CDC25A: variants seen among roughly 807,000 people sequenced by gnomAD.
CDC25A encodes M-phase inducer phosphatase 1.
Under a neutral mutation model 64.6 loss-of-function variants are expected in CDC25A, and 17 were observed. That is an observed-to-expected ratio of 0.26 (90% CI 0.18 to 0.39). The LOEUF (loss-of-function observed/expected upper bound fraction) is 0.39. CDC25A is among the 10% of genes least tolerant of loss of function. CDC25A has a pLI of 1.00. For synonymous variants in CDC25A, 229 were observed against 238.6 expected, an observed-to-expected ratio of 0.96 and a Z score of 0.37; for missense variants, 473 against 654.8, an observed-to-expected ratio of 0.72 and a Z score of 3.03.
At chr3:48,165,546 G>A (rs2031980187) in intron 12 of CDC25A, 90 bp downstream of exon 12, 2 of 818,102 alleles carry the variant, frequency 2.4e-6, no homozygotes, top group South Asian at 3.0e-5. Flanking sequence ...TAGCATATGA[G>A]CTAAGTGGCC....
chr3:48,165,159 T>C lies in CDC25A; in HGVS notation c.1191+477A>G, dbSNP rs139922915. On this transcript the variant is annotated intron_variant, in intron 12 of 14. Coordinates refer to ENST00000302506, the MANE Select transcript of CDC25A (RefSeq NM_001789.3). ...ATGGCAAAATCAGTTCCTTTCTTCTTGGGAACGTGTGTCCCAACACGCCCC... is the reference window on the plus strand; with the variant it reads ...ATGGCAAAATCAGTTCCTTTCTTCTCGGGAACGTGTGTCCCAACACGCCCC... 6.6e-3 allele frequency among the ~76,000 whole-genome samples: 989 copies of C among 150,908 alleles called. 4 individuals are homozygous for C. Among genetic ancestry groups the C allele is most frequent in the Non-Finnish European group, 0.011 (727 of 67,764 alleles).
chr3:48,176,558 TAAA>T (rs1553769227), intron 8 of CDC25A, among the ~76,000 whole-genome samples: 1 of 134,664 alleles, frequency 7.4e-6, no homozygotes, highest in African/African-American at 2.7e-5. Flanking sequence ...TATATATATA[TAAA>T]ATATATATTA....
rs574838246 is a variant in CDC25A, at chr3:48,157,489, T to A, written c.*1456A>T. 6.6e-6 allele frequency: 1 copy of A among 152,614 alleles called. No homozygotes were observed. The allele number at this position is 152,614 out of a possible 1,614,324, so 9.5% of individuals were successfully genotyped here. A position where few individuals can be genotyped will look rare whatever the true frequency, so the allele number is the denominator to read the frequency against. On this transcript the variant is annotated 3_prime_UTR_variant, in exon 15 of 15. Transcript: ENST00000302506. ...GAAGTTGAGGTAAGAGGGGAGAGAC[T>A]GTCTCCTGTTTAAGAAAAACCCACC...
chr3:48,187,337 G>T (rs560998193), intron 1 of CDC25A, among the ~76,000 whole-genome samples: 5 of 152,352 alleles, frequency 3.3e-5, no homozygotes, highest in Admixed American at 2.6e-4. Flanking sequence ...TTACATAAAC[G>T]CCAGGAAAGA....
intron 13 of CDC25A, among the ~76,000 whole-genome samples, chr3:48,160,437 G>A (rs2106679960): frequency 7.2e-6 from 1 of 139,164 alleles, no homozygotes; most frequent in East Asian, 2.2e-4. Context: ...TTGAGATGGA[G>A]TCTCACTCTG....
chr3:48,188,060 A>C lies in CDC25A; in HGVS notation c.-113T>G. On this transcript the variant is annotated 5_prime_UTR_variant, in exon 1 of 15. Coordinates refer to ENST00000302506, the MANE Select transcript of CDC25A (RefSeq NM_001789.3). ...CGCGCCACCGGCGCCCGCGGGTCAA[A>C]CACAAACACGACTCCGCGGTTCAGG... 16 of 889,176 alleles carry C rather than the reference A, an allele frequency of 1.8e-5. No homozygotes were observed. Among genetic ancestry groups the C allele is most frequent in the Admixed American group, 4.5e-5 (1 of 22,218 alleles). 55.1% of individuals were successfully genotyped at this position (889,176 alleles called of 1,614,324 possible).
At chr3:48,161,843 T>C (rs943225197) in intron 13 of CDC25A, among the ~76,000 whole-genome samples, 2 of 151,660 alleles carry the variant, frequency 1.3e-5, no homozygotes, top group African/African-American at 4.8e-5. Flanking sequence ...GGTAGATCAC[T>C]TGAGGTCAGG....
chr3:48,168,318 G>A (rs1397394540), intron 9 of CDC25A, among the ~76,000 whole-genome samples: 4 of 150,254 alleles, frequency 2.7e-5, no homozygotes, highest in Non-Finnish European at 4.4e-5. Context: ...TGAATCGCTT[G>A]AGCCCAGGAG....
chr3:48,173,226 A>G (rs1295995757), intron 9 of CDC25A, among the ~76,000 whole-genome samples: 1 of 152,038 alleles, frequency 6.6e-6, no homozygotes, highest in East Asian at 1.9e-4. Flanking sequence ...AAAAAAAAAA[A>G]AGACAGACCT....
In CDC25A at chr3:48,162,780, G is replaced by A. The variant is rs568076588; in HGVS notation, c.1322+1527C>T. The stretch of plus-strand genomic sequence containing the variant: ...GGAGAATGGCATGAACCCAGGAGGC[G>A]GAGCTTGCAGTAAGTCGAGATTGTG... On this transcript the variant is annotated intron_variant, in intron 13 of 14. Coordinates refer to ENST00000302506, the MANE Select transcript of CDC25A (RefSeq NM_001789.3). 1.1e-4 allele frequency among the ~76,000 whole-genome samples: 16 copies of A among 151,952 alleles called. No individual in the cohort carries two copies. In the Middle Eastern group the frequency reaches 0.017, roughly 162 times the overall value.
At chr3:48,176,184 A>G (rs1386470949) in intron 8 of CDC25A, among the ~76,000 whole-genome samples, 3 of 152,154 alleles carry the variant, frequency 2.0e-5, no homozygotes. Flanking sequence ...AAAACAAAAC[A>G]AAACAAACAA....
intron 13 of CDC25A, among the ~76,000 whole-genome samples, 172 bp downstream of exon 13, chr3:48,164,135 T>C (rs41290676): frequency 0.02 from 3,110 of 152,320 alleles, 66 homozygotes; most frequent in Middle Eastern, 0.075. Context: ...TCGGGGAGAC[T>C]GGAAGAGCCA....
At position 48,187,957 on chromosome 3, in the gene CDC25A, C is replaced by A; in HGVS notation, c.-10G>T. On this transcript the variant is annotated 5_prime_UTR_variant, in exon 1 of 15. Transcript: ENST00000302506. ...CCGGGCCCAGTTCCATGGCGGCGCC[C>A]GGCCTCGCAGAGCTCCCGCTCCCTC... The A allele has an allele frequency of 6.8e-7, 1 of 1,475,112 alleles. No homozygotes were observed. Among genetic ancestry groups the A allele is most frequent in the East Asian group, 2.8e-5 (1 of 35,396 alleles). The allele number at this position is 1,475,112 out of a possible 1,614,324, so 91.4% of individuals were successfully genotyped here.
Position 48,182,946 on chromosome 3 carries a change from C to G in CDC25A, c.412G>C (p.Asp138His), listed in dbSNP as rs765988410. 6.2e-7 allele frequency: 1 copy of G among 1,611,822 alleles called. No individual in the cohort carries two copies. Among genetic ancestry groups the G allele is most frequent in the Non-Finnish European group, 8.5e-7 (1 of 1,177,882 alleles). ...ACACTCACATTTTCCTTGTTCTCAT[C>G]TGGGTCGATGAGCTGAAAGATGTCA... ...DHDIFQLIDPDENKENEAFEF... is the reference protein window; with the variant it reads ...DHDIFQLIDPHENKENEAFEF... The change falls in exon 5 of 15, where the codon GAT becomes CAT. Residue 138 changes from aspartate to histidine, a missense_variant. Around this residue, in one of 2 missense-constraint regions of CDC25A, gnomAD observed 376 missense variants for 431.9 expected, o/e 0.87. Coordinates refer to ENST00000302506, the MANE Select transcript of CDC25A (RefSeq NM_001789.3).
intron 8 of CDC25A, 192 bp from the exon 9 acceptor site, chr3:48,174,649 C>T (rs749933766): frequency 2.2e-5 from 12 of 540,904 alleles, no homozygotes; most frequent in African/African-American, 3.8e-5. Flanking sequence ...GCACTTAGTG[C>T]TCAATGAATA....
rs142184745 is a variant in CDC25A at position 48,177,953 on chromosome 3, C to G, written c.585G>C (p.Gly195=). The G allele has an allele frequency of 6.2e-7, 1 of 1,613,696 alleles. No homozygotes were observed. ...GGGGTGTAAAAAGAGGAATGAAATT[C>G]CCTGGTTCACTGCTATCTCTTTCAT... The part of the protein sequence containing the change: ...SSNERDSSEP[G]NFIPLFTPQS... Residue 195 remains glycine, a synonymous_variant, in exon 7 of 15, where the codon GGG becomes GGC. Transcript: ENST00000302506.
Position 48,165,889 on chromosome 3 carries a change from TA to T in CDC25A, c.1033del (p.Tyr345IlefsTer13). The T allele has an allele frequency of 6.3e-7, 1 of 1,586,984 alleles. No individual in the cohort carries two copies. Among genetic ancestry groups the T allele is most frequent in the Non-Finnish European group, 8.7e-7 (1 of 1,155,338 alleles). On this transcript the variant is annotated frameshift_variant, in exon 11 of 15. Coordinates refer to ENST00000302506, the MANE Select transcript of CDC25A (RefSeq NM_001789.3). LOFTEE classifies it high-confidence loss of function. ...TTTCCCAGCAACTGTATGAAAGAGA[TA>T]ACCCTTAAAAAGAAAAAAAGATACT... Reference protein sequence around the residue: ...RDLIGDFSKGYLFHTVAGKHQ... With the variant: ...RDLIGDFSKGXLFHTVAGKHQ...
At chr3:48,181,718 T>C in intron 5 of CDC25A, 3 of 799,500 alleles carry the variant, frequency 3.8e-6, no homozygotes, top group Non-Finnish European at 6.8e-6. Flanking sequence ...AGAAGTTACC[T>C]GGAAGTAAAG....
Position 48,188,311 on chromosome 3 carries a change from C to T in CDC25A, c.-364G>A, listed in dbSNP as rs543046126. ...CCAGGCTCACGCTGTCTTCGCTGTT[C>T]TCCCACCCGCTTGCCCAGCTCCGGG... On this transcript the variant is annotated 5_prime_UTR_variant, in exon 1 of 15. Transcript: ENST00000302506. 3 of 189,632 alleles carry T rather than the reference C, an allele frequency of 1.6e-5. No homozygotes were observed. In the Middle Eastern group the frequency reaches 5.5e-3, roughly 346 times the overall value. 11.7% of individuals were successfully genotyped at this position (189,632 alleles called of 1,614,324 possible).
Sources: allele counts gnomAD v4.1 joint callset (sites outside exome capture counted in the v4.1 genomes callset), GRCh38; gene constraint gnomAD v4.1.1; regional missense constraint gnomAD v4.1.1; transcripts MANE v1.5; gene names NCBI Gene and HGNC (gene_info 2026-07-23, HGNC 2026-07-21).